Variants in XKR9 observed in about 807,000 individuals in gnomAD.
XKR9 encodes the protein XK related 9.
XKR9 carries 32 observed loss-of-function variants against 32.0 expected under a neutral mutation model. The ratio of observed to expected loss-of-function variants is 1.00; its 90% CI spans 0.76 to 1.34. The LOEUF is 1.34. Among genes scored for constraint, XKR9 ranks in the 40% most tolerant of loss-of-function variants. The pLI, the probability that XKR9 is intolerant of heterozygous loss-of-function variation, is 0.00. For missense variants in XKR9, 546 were observed against 429.7 expected (o/e 1.27, Z -2.39); for synonymous variants, 168 against 143.4 (o/e 1.17, Z -1.22).
At chr8:70,932,679 G>A in the XKR9 span, among the ~76,000 whole-genome samples, 1 of 152,168 alleles carries the variant, frequency 6.6e-6, no homozygotes, top group African/African-American at 2.4e-5. Flanking sequence ...TCCCTGGCTT[G>A]TGGAGTGCCA....
At chr8:70,809,758 G>A in the XKR9 span, among the ~76,000 whole-genome samples, 1 of 151,766 alleles carries the variant, frequency 6.6e-6, no homozygotes, top group African/African-American at 2.4e-5. Context: ...AGAATAAAAA[G>A]AAACAAAGCC....
At chr8:70,898,607 A>G in the XKR9 span, among the ~76,000 whole-genome samples, 1 of 152,152 alleles carries the variant, frequency 6.6e-6, no homozygotes. Flanking sequence ...TGTTTTGTGT[A>G]AGTTTCACAT....
At chr8:70,796,308 A>G in the XKR9 span, among the ~76,000 whole-genome samples, 1 of 152,004 alleles carries the variant, frequency 6.6e-6, no homozygotes, top group African/African-American at 2.4e-5. Flanking sequence ...AATTTTGGTA[A>G]TGTCTTCCTT....
At chr8:70,781,165 A>T (rs1807610763) in intron 2 of XKR9, among the ~76,000 whole-genome samples, 2 of 152,136 alleles carry the variant, frequency 1.3e-5, no homozygotes, top group African/African-American at 4.8e-5. Context: ...AGCAACTAAC[A>T]ATATTCAGCA....
chr8:70,815,935 A>G, the XKR9 span, among the ~76,000 whole-genome samples: 2 of 152,116 alleles, frequency 1.3e-5, no homozygotes, highest in African/African-American at 4.8e-5. Context: ...GCCATTATGA[A>G]TAGTGCTGCA....
At chr8:71,038,573 A>C in the XKR9 span, among the ~76,000 whole-genome samples, 1 of 151,314 alleles carries the variant, frequency 6.6e-6, no homozygotes, top group African/African-American at 2.4e-5. Context: ...CCACCTCGGC[A>C]TCCAAAAGTG....
At chr8:70,704,528 C>T (rs936878153) in intron 3 of XKR9, among the ~76,000 whole-genome samples, 6 of 152,190 alleles carry the variant, frequency 3.9e-5, no homozygotes, top group South Asian at 2.1e-4. Context: ...CCCTATTTTC[C>T]GGATGAGGAA....
chr8:70,912,007 G>A, the XKR9 span, among the ~76,000 whole-genome samples: 1 of 152,160 alleles, frequency 6.6e-6, no homozygotes, highest in African/African-American at 2.4e-5. Context: ...CTGAAAGATG[G>A]ATATGAATTA....
the XKR9 span, among the ~76,000 whole-genome samples, chr8:70,941,645 G>A: frequency 6.6e-6 from 1 of 152,108 alleles, no homozygotes; most frequent in South Asian, 2.1e-4. Context: ...AGTTTCTTTG[G>A]AAATTGAGTG....
At chr8:70,861,717 A>G in the XKR9 span, among the ~76,000 whole-genome samples, 2 of 152,140 alleles carry the variant, frequency 1.3e-5, no homozygotes, top group Admixed American at 1.3e-4. Context: ...TAATATATGT[A>G]AAAATACTTA....
the XKR9 span, among the ~76,000 whole-genome samples, chr8:70,880,626 A>C: frequency 6.6e-6 from 1 of 152,216 alleles, no homozygotes; most frequent in African/African-American, 2.4e-5. Context: ...AAAAGAGGAC[A>C]CAAACAAATG....
intron 4 of XKR9, among the ~76,000 whole-genome samples, chr8:70,717,936 C>T (rs1806146116): frequency 6.6e-6 from 1 of 152,180 alleles, no homozygotes; most frequent in Non-Finnish European, 1.5e-5. Flanking sequence ...TCCCACAGAT[C>T]TCTAGGACAG....
the XKR9 span, among the ~76,000 whole-genome samples, chr8:70,910,617 C>T: frequency 1.3e-5 from 2 of 152,300 alleles, no homozygotes; most frequent in East Asian, 3.9e-4. Flanking sequence ...CAGGAACAAG[C>T]CTCTATTAGT....
At chr8:70,815,001 CA>C in the XKR9 span, among the ~76,000 whole-genome samples, 7 of 152,106 alleles carry the variant, frequency 4.6e-5, no homozygotes, top group Admixed American at 2.0e-4. Flanking sequence ...ACAATAGCTA[CA>C]AAAGATAAAA....
intron 2 of XKR9, among the ~76,000 whole-genome samples, chr8:70,746,524 G>T (rs944670349): frequency 6.7e-6 from 1 of 150,260 alleles, no homozygotes; most frequent in Non-Finnish European, 1.5e-5. Context: ...TAGGGAATTT[G>T]CAGTTTCTTT....
chr8:71,063,562 A>G, the XKR9 span, among the ~76,000 whole-genome samples: 19 of 152,102 alleles, frequency 1.2e-4, no homozygotes, highest in Non-Finnish European at 5.9e-5. Context: ...GACAAAAAAA[A>G]AAAGAGAAAG....
At chr8:70,941,648 A>G in the XKR9 span, among the ~76,000 whole-genome samples, 1 of 152,148 alleles carries the variant, frequency 6.6e-6, no homozygotes. Flanking sequence ...TTCTTTGGAA[A>G]TTGAGTGTCT....
chr8:70,988,727 A>G, the XKR9 span, among the ~76,000 whole-genome samples: 335 of 152,332 alleles, frequency 2.2e-3, 1 homozygote, highest in Middle Eastern at 6.8e-3. Flanking sequence ...GTGCAGTTCA[A>G]TAGTGTTAAG....
At chr8:71,062,529 C>T in the XKR9 span, among the ~76,000 whole-genome samples, 11 of 152,120 alleles carry the variant, frequency 7.2e-5, no homozygotes, top group African/African-American at 2.2e-4. Context: ...ACAAATCTGG[C>T]GGGAGCAGGG....
Sources: gnomAD v4.1 joint callset for allele counts (sites outside exome capture counted in the v4.1 genomes callset) on GRCh38, gnomAD v4.1.1 for gene constraint, MANE v1.5 for transcripts, NCBI Gene and HGNC (gene_info 2026-07-23, HGNC 2026-07-21) for gene names.